Variants in FMN1 observed in about 807,000 individuals in gnomAD.
The protein encoded by FMN1 is formin-1.
A neutral mutation model predicts 132.4 loss-of-function variants in FMN1; 110 were observed. That is an observed-to-expected ratio of 0.83 (90% confidence interval 0.71 to 0.97). FMN1 has a LOEUF of 0.97. FMN1 is among the 50% of genes least tolerant of loss of function. FMN1 has a pLI of 0.00. For synonymous variants in FMN1, 722 were observed against 651.7 expected, an observed-to-expected ratio of 1.11 and a Z score of -1.64; for missense variants, 1,792 against 1,705.3, an observed-to-expected ratio of 1.05 and a Z score of -0.90.
intron 16 of FMN1, among the ~76,000 whole-genome samples, chr15:32,869,722 G>A (rs966509377): frequency 6.6e-6 from 1 of 150,916 alleles, no homozygotes; most frequent in African/African-American, 2.5e-5. Flanking sequence ...ACAGAGAAGA[G>A]CTGGTCAGTA....
In FMN1 at chr15:33,184,378, G is replaced by T. The variant is rs145084856; in HGVS notation, c.-196-4116C>A. ...GGCAAGATATAGTTAATTCTTCCTGGTAGGAATATAGATCATTGTTATTTT... is the reference window on the plus strand; with the variant it reads ...GGCAAGATATAGTTAATTCTTCCTGTTAGGAATATAGATCATTGTTATTTT... On this transcript the variant is annotated intron_variant, in intron 2 of 20. Coordinates refer to ENST00000616417, the MANE Select transcript of FMN1 (RefSeq NM_001277313.2). Among the ~76,000 whole-genome samples the T allele has an allele frequency of 2.9e-3, 447 of 152,058 alleles. 3 individuals carry two copies. The highest frequency in any genetic ancestry group is 0.01 in the African/African-American group (420 of 41,462).
intron 2 of FMN1, among the ~76,000 whole-genome samples, chr15:33,186,631 T>C (rs572619121): frequency 6.6e-6 from 1 of 152,340 alleles, no homozygotes; most frequent in South Asian, 2.1e-4. Context: ...TAAGTTTCAG[T>C]TTCCTCTTCA....
intron 19 of FMN1, among the ~76,000 whole-genome samples, chr15:32,797,773 C>A (rs1015231837): frequency 2.0e-5 from 3 of 151,934 alleles, no homozygotes; most frequent in Admixed American, 2.0e-4. Flanking sequence ...AATACTAGGT[C>A]AAAAATCTCA....
At chr15:32,943,891 C>T (rs1262227108) in intron 9 of FMN1, among the ~76,000 whole-genome samples, 1 of 152,082 alleles carries the variant, frequency 6.6e-6, no homozygotes, top group Non-Finnish European at 1.5e-5. Flanking sequence ...GAAAGAAATT[C>T]CAAGAAGTGA....
chr15:33,008,029 T>G lies in FMN1; in HGVS notation c.2208A>C (p.Glu736Asp). ...AGAGGCATACCTGCAGGTTTTCAAT[T>G]TCTTCTTTGTGCTCCCTCTTCAAGT... ...ILHLKREHKE[E>D]IENLQAQFEL... The change falls in exon 7 of 21, where the codon GAA becomes GAC. Residue 736 changes from glutamate (E) to aspartate (D), a missense_variant. Coordinates refer to ENST00000616417, the MANE Select transcript of FMN1 (RefSeq NM_001277313.2). The G allele has an allele frequency of 6.2e-7, 1 of 1,601,290 alleles. No homozygotes were observed. The highest frequency in any genetic ancestry group is 1.1e-5 in the South Asian group (1 of 88,264).
chr15:32,798,501 A>G (rs2057369534), intron 19 of FMN1, among the ~76,000 whole-genome samples: 1 of 152,232 alleles, frequency 6.6e-6, no homozygotes, highest in Non-Finnish European at 1.5e-5. Context: ...CTGGGCCAAC[A>G]TGAAAATACA....
intron 16 of FMN1, among the ~76,000 whole-genome samples, chr15:32,866,108 T>C (rs1335073990): frequency 6.6e-6 from 1 of 151,494 alleles, no homozygotes; most frequent in East Asian, 1.9e-4. Flanking sequence ...GGGATAGCAT[T>C]AGGAGATATA....
intron 17 of FMN1, among the ~76,000 whole-genome samples, chr15:32,806,842 A>G (rs974429910): frequency 1.3e-5 from 2 of 152,144 alleles, no homozygotes; most frequent in African/African-American, 4.8e-5. Flanking sequence ...TAAATAAAAG[A>G]CCATCCCTTG....
intron 5 of FMN1, among the ~76,000 whole-genome samples, chr15:33,076,293 A>G (rs1025705361): frequency 6.6e-6 from 1 of 152,230 alleles, no homozygotes; most frequent in South Asian, 2.1e-4. Flanking sequence ...TGCTCCTGAT[A>G]AAAGATGAAG....
chr15:33,153,715 G>C lies in FMN1; in HGVS notation c.1200C>G (p.Ala400=). The C allele has an allele frequency of 6.5e-7, 1 of 1,536,236 alleles. No individual in the cohort carries two copies. The highest frequency in any genetic ancestry group is 8.7e-7 in the Non-Finnish European group (1 of 1,146,942). Residue 400 remains alanine (A), a synonymous_variant, in exon 4 of 21, where the codon GCC becomes GCG. Transcript: ENST00000616417. ...RQGDRSSQSP[A]GETASISSVS... Reference sequence around the variant, plus strand: ...CACTAGAAATGGAGGCTGTTTCCCCGGCTGGCGACTGCGATGACCTATCCC... The same window carrying C: ...CACTAGAAATGGAGGCTGTTTCCCCCGCTGGCGACTGCGATGACCTATCCC...
At chr15:32,887,964 A>C (rs1004742294) in intron 16 of FMN1, among the ~76,000 whole-genome samples, 3 of 151,908 alleles carry the variant, frequency 2.0e-5, no homozygotes, top group Non-Finnish European at 2.9e-5. Context: ...ATAAGAAACA[A>C]ATGATCAACA....
intron 10 of FMN1, among the ~76,000 whole-genome samples, chr15:32,920,026 G>C (rs113730570): frequency 1.3e-5 from 2 of 152,190 alleles, no homozygotes; most frequent in Non-Finnish European, 2.9e-5. Flanking sequence ...CTAAATAAAG[G>C]ATGTTTTATC....
intron 5 of FMN1, chr15:33,066,623 G>A (rs368609298): frequency 1.5e-5 from 24 of 1,613,774 alleles, no homozygotes; most frequent in African/African-American, 5.3e-5. Flanking sequence ...CAGCTCAGAG[G>A]TGTCAGCTGT....
chr15:32,780,809 A>G (rs1398631482), intron 19 of FMN1, among the ~76,000 whole-genome samples: 2 of 152,220 alleles, frequency 1.3e-5, no homozygotes, highest in Non-Finnish European at 2.9e-5. Flanking sequence ...AGGCGGTAAT[A>G]GCAGAATAAA....
At chr15:32,794,565 A>T (rs1257240001) in intron 19 of FMN1, among the ~76,000 whole-genome samples, 1 of 148,500 alleles carries the variant, frequency 6.7e-6, no homozygotes, top group Admixed American at 6.7e-5. Flanking sequence ...ATAATTCAGC[A>T]GCCAAAAAAA....
chr15:32,786,231 TAAAC>T (rs777349313), intron 19 of FMN1, among the ~76,000 whole-genome samples: 4 of 152,138 alleles, frequency 2.6e-5, no homozygotes, highest in Non-Finnish European at 4.4e-5. Context: ...ACGAACATGA[TAAAC>T]AAAGGAACAT....
chr15:32,770,240 T>C lies in FMN1; in HGVS notation c.*4070A>G, dbSNP rs1423349629. On this transcript the variant is annotated 3_prime_UTR_variant, in exon 21 of 21. Transcript: ENST00000616417. ...TGGAAAAAGAGCCTGCAAGCGTGCATTGCTAATTCCCATTCACACACTGAC... is the reference window on the plus strand; with the variant it reads ...TGGAAAAAGAGCCTGCAAGCGTGCACTGCTAATTCCCATTCACACACTGAC... 2.0e-5 allele frequency: 3 copies of C among 152,198 alleles called. No homozygotes were observed. Among genetic ancestry groups the C allele is most frequent in the African/African-American group, 4.8e-5 (2 of 41,442 alleles). The allele number at this position is 152,198 out of a possible 1,614,324, so 9.4% of individuals were successfully genotyped here.
At chr15:32,833,221 C>A (rs527679819) in intron 17 of FMN1, among the ~76,000 whole-genome samples, 24 of 152,248 alleles carry the variant, frequency 1.6e-4, no homozygotes, top group African/African-American at 5.8e-4. Flanking sequence ...ACCTGTAATT[C>A]TTTTCTTAGA....
At chr15:33,082,059 C>T (rs2038493526) in intron 5 of FMN1, among the ~76,000 whole-genome samples, 3 of 100,256 alleles carry the variant, frequency 3.0e-5, no homozygotes, top group South Asian at 3.1e-4. Flanking sequence ...GTGTGTAAGA[C>T]GGAGTCTCGC....
Sources: allele counts gnomAD v4.1 joint callset (sites outside exome capture counted in the v4.1 genomes callset), GRCh38; gene constraint gnomAD v4.1.1; transcripts MANE v1.5; gene names NCBI Gene and HGNC (gene_info 2026-07-23, HGNC 2026-07-21).